Variants in ANKS1B observed in about 807,000 individuals in gnomAD.
The protein encoded by ANKS1B is ankyrin repeat and sterile alpha motif domain containing 1B.
In ANKS1B, 36 loss-of-function variants were observed where a neutral mutation model predicts 148.3. That is an observed-to-expected ratio of 0.24 (90% CI 0.19 to 0.32). The LOEUF (loss-of-function observed/expected upper bound fraction) is 0.32, where lower values mean the gene tolerates loss of function less well. Among genes scored for constraint, ANKS1B ranks in the 10% least tolerant of loss-of-function variants. The pLI is 1.00. For synonymous variants in ANKS1B, 542 were observed against 560.8 expected (o/e 0.97, Z 0.47); for missense variants, 1,157 against 1,542.6 (o/e 0.75, Z 4.19).
At chr12:99,629,056 C>G (rs1258751792) in intron 9 of ANKS1B, among the ~76,000 whole-genome samples, 1 of 152,142 alleles carries the variant, frequency 6.6e-6, no homozygotes, top group African/African-American at 2.4e-5. Flanking sequence ...TATTGAAACA[C>G]AGCTATGTCC....
rs1301776007 is a variant in ANKS1B, at chr12:99,069,164, T to G, written c.2625+15761A>C. ...TGTCTGTGCATGGCCGTGTGGGTGT[T>G]TGCAGACGTTATGCCTCTGGAGTTG... is the stretch of plus-strand genomic sequence containing the variant. On this transcript the variant is annotated intron_variant, in intron 16 of 26. Coordinates refer to ENST00000683438, the MANE Select transcript of ANKS1B (RefSeq NM_001352186.2). 2.0e-5 allele frequency among the ~76,000 whole-genome samples: 3 copies of G among 152,156 alleles called. No homozygotes were observed. The East Asian group carries it at 5.8e-4, about 29-fold the overall frequency.
chr12:98,985,288 T>A (rs965083050), intron 17 of ANKS1B, among the ~76,000 whole-genome samples: 11 of 151,356 alleles, frequency 7.3e-5, no homozygotes, highest in South Asian at 2.1e-4. Flanking sequence ...AATTAAAAAA[T>A]TTTTTTTTGC....
intron 14 of ANKS1B, among the ~76,000 whole-genome samples, chr12:99,232,727 A>G (rs932182803): frequency 6.6e-6 from 1 of 152,208 alleles, no homozygotes; most frequent in African/African-American, 2.4e-5. Flanking sequence ...ATTCCACATG[A>G]AAGCAACTTA....
chr12:99,333,548 C>T (rs968500565), intron 12 of ANKS1B, among the ~76,000 whole-genome samples: 2 of 152,166 alleles, frequency 1.3e-5, no homozygotes, highest in South Asian at 2.1e-4. Flanking sequence ...AAATCTCCTT[C>T]CTGTTGATTT....
At chr12:98,997,738 C>A (rs2099930574) in intron 17 of ANKS1B, among the ~76,000 whole-genome samples, 1 of 152,194 alleles carries the variant, frequency 6.6e-6, no homozygotes, top group Non-Finnish European at 1.5e-5. Flanking sequence ...AAGTAACCAA[C>A]AAGCACTTAG....
chr12:99,904,284 T>G (rs1316151649), intron 1 of ANKS1B, among the ~76,000 whole-genome samples: 2 of 142,368 alleles, frequency 1.4e-5, no homozygotes, highest in African/African-American at 5.3e-5. Flanking sequence ...CTCCACCTCC[T>G]GGATTCAAGA....
In ANKS1B at chr12:99,154,235, A is replaced by G. The variant is rs138573584; in HGVS notation, c.2526+54T>C. The G allele has an allele frequency of 1.5e-4, 248 of 1,604,902 alleles. 1 individual carries two copies. In the East Asian group the frequency reaches 5.2e-3, roughly 33 times the overall value. On this transcript the variant is annotated intron_variant, in intron 15 of 26. Transcript: ENST00000683438. ...GCTGCCTCTGAGCCATGTAAGACAC[A>G]TAAGAAGCAAAGACAGACAAAAGGC... is the stretch of plus-strand genomic sequence containing the variant.
intron 8 of ANKS1B, among the ~76,000 whole-genome samples, chr12:99,751,809 T>C (rs748728335): frequency 6.6e-6 from 1 of 152,076 alleles, no homozygotes; most frequent in African/African-American, 2.4e-5. Flanking sequence ...ACATTGGGAC[T>C]CTATATTATA....
intron 4 of ANKS1B, among the ~76,000 whole-genome samples, chr12:99,804,156 T>G (rs1211181133): frequency 6.6e-6 from 1 of 152,168 alleles, no homozygotes; most frequent in Non-Finnish European, 1.5e-5. Flanking sequence ...GGGAAGTCCT[T>G]GGTTATATTG....
At chr12:99,491,767 C>T (rs537556210) in intron 10 of ANKS1B, among the ~76,000 whole-genome samples, 32 of 152,232 alleles carry the variant, frequency 2.1e-4, no homozygotes, top group African/African-American at 7.5e-4. Flanking sequence ...AACTCAAAAT[C>T]ATGCAATTAC....
At chr12:99,510,652 T>C (rs74320395) in intron 9 of ANKS1B, among the ~76,000 whole-genome samples, 5,724 of 152,100 alleles carry the variant, frequency 0.038, 372 homozygotes, top group African/African-American at 0.13. Flanking sequence ...GTGAACATTG[T>C]AGAAATGATA....
chr12:99,126,790 A>G (rs1401041092), intron 15 of ANKS1B, among the ~76,000 whole-genome samples: 1 of 152,214 alleles, frequency 6.6e-6, no homozygotes, highest in East Asian at 1.9e-4. Context: ...ATTTCTAAAA[A>G]CAAAGAAGTT....
At chr12:99,338,264 T>C (rs2089312162) in intron 12 of ANKS1B, among the ~76,000 whole-genome samples, 1 of 152,094 alleles carries the variant, frequency 6.6e-6, no homozygotes. Flanking sequence ...CCCATTCTTT[T>C]CTCTCCTTTC....
At chr12:99,613,153 G>A (rs768505044) in intron 9 of ANKS1B, among the ~76,000 whole-genome samples, 1 of 152,218 alleles carries the variant, frequency 6.6e-6, no homozygotes, top group Middle Eastern at 3.4e-3. Context: ...TTCTATTGTT[G>A]AGTAAAGAAG....
intron 22 of ANKS1B, among the ~76,000 whole-genome samples, chr12:98,783,067 C>G (rs954544727): frequency 6.6e-6 from 1 of 151,166 alleles, no homozygotes; most frequent in Admixed American, 6.6e-5. Context: ...CAAAGCGTCA[C>G]AGTGGATTTC....
At chr12:99,123,021 T>G (rs1297089111) in intron 15 of ANKS1B, among the ~76,000 whole-genome samples, 1 of 142,430 alleles carries the variant, frequency 7.0e-6, no homozygotes, top group East Asian at 2.0e-4. Flanking sequence ...TATAAACATG[T>G]ATATAAACCA....
intron 1 of ANKS1B, among the ~76,000 whole-genome samples, chr12:99,930,823 C>T (rs985848057): frequency 2.6e-5 from 4 of 152,124 alleles, no homozygotes; most frequent in African/African-American, 9.7e-5. Context: ...TACCATTTGA[C>T]CCAGCCATCC....
chr12:98,873,965 C>A (rs573828486), intron 17 of ANKS1B, among the ~76,000 whole-genome samples: 1 of 152,026 alleles, frequency 6.6e-6, no homozygotes, highest in Non-Finnish European at 1.5e-5. Flanking sequence ...AGAGGCCTGT[C>A]GGCAAGTTAG....
At chr12:98,830,565 C>CA (rs2099297450) in intron 18 of ANKS1B, among the ~76,000 whole-genome samples, 1 of 152,180 alleles carries the variant, frequency 6.6e-6, no homozygotes, top group Non-Finnish European at 1.5e-5. Context: ...GTTATCCTGA[C>CA]AGTGGCTATG....
Sources: allele counts gnomAD v4.1 joint callset (sites outside exome capture counted in the v4.1 genomes callset), GRCh38; gene constraint gnomAD v4.1.1; transcripts MANE v1.5; gene names NCBI Gene and HGNC (gene_info 2026-07-23, HGNC 2026-07-21).